Variants in PRELID2 observed in about 807,000 individuals in gnomAD.
PRELID2 encodes the protein PRELI domain-containing protein 2.
Under a neutral mutation model 28.4 loss-of-function variants are expected in PRELID2, and 25 were observed. The ratio of observed to expected loss-of-function variants is 0.88; its 90% confidence interval spans 0.64 to 1.23. The LOEUF is 1.23. Ranked by LOEUF, PRELID2 falls within the 50% of genes most tolerant of loss-of-function variation. The probability of loss-of-function intolerance (pLI) is 0.00; values close to 1 mark genes in which losing one functional copy is unlikely to be tolerated. For synonymous variants in PRELID2, 76 were observed against 71.6 expected (o/e 1.06, Z -0.31); for missense variants, 201 against 214.4 (o/e 0.94, Z 0.39).
intron 1 of PRELID2, among the ~76,000 whole-genome samples, chr5:145,572,217 T>C (rs1242179120): frequency 1.3e-5 from 2 of 152,156 alleles, no homozygotes; most frequent in Non-Finnish European, 2.9e-5. Context: ...CACTACTAGT[T>C]GTCCTGTCTT....
chr5:145,830,256 T>C (rs746177869), intron 1 of PRELID2, among the ~76,000 whole-genome samples: 1 of 152,196 alleles, frequency 6.6e-6, no homozygotes, highest in Non-Finnish European at 1.5e-5. Flanking sequence ...ATGACTCCTT[T>C]GACCACAGCA....
chr5:145,380,329 T>G, the PRELID2 span, among the ~76,000 whole-genome samples: 1 of 152,172 alleles, frequency 6.6e-6, no homozygotes, highest in Admixed American at 6.5e-5. Context: ...AGCTTTTGTG[T>G]CTTCCCTTTA....
the PRELID2 span, among the ~76,000 whole-genome samples, chr5:145,347,224 T>C: frequency 1.4e-4 from 22 of 152,170 alleles, no homozygotes; most frequent in Admixed American, 1.0e-3. Flanking sequence ...TAGATCTGTG[T>C]CTATGGCCAA....
At chr5:145,416,181 GC>G in the PRELID2 span, among the ~76,000 whole-genome samples, 234 of 152,066 alleles carry the variant, frequency 1.5e-3, 3 homozygotes, top group Non-Finnish European at 4.3e-4. Context: ...CTGGATATTA[GC>G]CCTTTGTCAG....
the PRELID2 span, among the ~76,000 whole-genome samples, chr5:145,334,662 G>A: frequency 2.6e-5 from 4 of 152,056 alleles, no homozygotes; most frequent in African/African-American, 9.7e-5. Flanking sequence ...CTTTTTGTAA[G>A]GAAGGTCTAG....
chr5:145,409,456 G>A, the PRELID2 span, among the ~76,000 whole-genome samples: 1 of 152,098 alleles, frequency 6.6e-6, no homozygotes, highest in African/African-American at 2.4e-5. Flanking sequence ...CACCAACCAA[G>A]TATCTGCTGT....
At chr5:145,340,237 T>G in the PRELID2 span, among the ~76,000 whole-genome samples, 1 of 152,188 alleles carries the variant, frequency 6.6e-6, no homozygotes, top group African/African-American at 2.4e-5. Context: ...GTCTGAGGTC[T>G]GGCTGACTCA....
chr5:145,246,254 A>T, the PRELID2 span, among the ~76,000 whole-genome samples: 2 of 152,116 alleles, frequency 1.3e-5, no homozygotes, highest in South Asian at 4.1e-4. Flanking sequence ...CTGACAGCCT[A>T]GACTGCAGAA....
At chr5:145,243,434 AAAAAG>A in the PRELID2 span, among the ~76,000 whole-genome samples, 1 of 152,130 alleles carries the variant, frequency 6.6e-6, no homozygotes, top group Non-Finnish European at 1.5e-5. Flanking sequence ...CATATTAAAA[AAAAAG>A]AAAAGGAAAA....
At chr5:145,829,836 A>C (rs954022375) in intron 1 of PRELID2, among the ~76,000 whole-genome samples, 7 of 152,226 alleles carry the variant, frequency 4.6e-5, no homozygotes, top group Admixed American at 4.6e-4. Context: ...TAGGATCAGA[A>C]ATGGAAACAT....
chr5:145,549,171 C>T (rs1752811950), intron 1 of PRELID2, among the ~76,000 whole-genome samples: 1 of 152,152 alleles, frequency 6.6e-6, no homozygotes, highest in African/African-American at 2.4e-5. Flanking sequence ...AAGCACTTGC[C>T]CTATGTTACT....
chr5:145,376,468 A>C, the PRELID2 span, among the ~76,000 whole-genome samples: 1 of 152,146 alleles, frequency 6.6e-6, no homozygotes, highest in Non-Finnish European at 1.5e-5. Context: ...CTTCAGCAAG[A>C]ATGGTACCAG....
intron 1 of PRELID2, among the ~76,000 whole-genome samples, chr5:145,532,510 A>G (rs539870451): frequency 1.3e-4 from 20 of 152,196 alleles, no homozygotes; most frequent in African/African-American, 4.6e-4. Flanking sequence ...GTGACTGTCA[A>G]GTATACAAAA....
intron 1 of PRELID2, among the ~76,000 whole-genome samples, chr5:145,717,816 A>G (rs1467621704): frequency 2.0e-5 from 3 of 151,920 alleles, no homozygotes; most frequent in Non-Finnish European, 2.9e-5. Flanking sequence ...TAAGATCAAT[A>G]CTATCAACAG....
intron 1 of PRELID2, among the ~76,000 whole-genome samples, chr5:145,484,606 A>G (rs763353423): frequency 6.6e-6 from 1 of 152,210 alleles, no homozygotes; most frequent in East Asian, 1.9e-4. Flanking sequence ...AAAACAGAGT[A>G]TAAGATCTTA....
intron 1 of PRELID2, among the ~76,000 whole-genome samples, chr5:145,605,560 G>T (rs1561517434): frequency 6.6e-6 from 1 of 152,218 alleles, no homozygotes; most frequent in Admixed American, 6.5e-5. Flanking sequence ...GTAGCATGCT[G>T]CTGCGGTTTC....
chr5:145,746,163 C>G (rs1247193305), intron 1 of PRELID2, among the ~76,000 whole-genome samples: 1 of 152,112 alleles, frequency 6.6e-6, no homozygotes, highest in Non-Finnish European at 1.5e-5. Flanking sequence ...TCATATATAA[C>G]AATACTAACC....
At chr5:145,239,214 G>A in the PRELID2 span, among the ~76,000 whole-genome samples, 1 of 152,022 alleles carries the variant, frequency 6.6e-6, no homozygotes, top group African/African-American at 2.4e-5. Context: ...TCCTCCTCTT[G>A]TCTAGCTATT....
intron 1 of PRELID2, among the ~76,000 whole-genome samples, chr5:145,706,182 A>G (rs2149706576): frequency 6.6e-6 from 1 of 152,170 alleles, no homozygotes; most frequent in South Asian, 2.1e-4. Flanking sequence ...GGAGTGCACA[A>G]CTCCACCAAG....
Sources: allele counts gnomAD v4.1 joint callset (sites outside exome capture counted in the v4.1 genomes callset), GRCh38; gene constraint gnomAD v4.1.1; transcripts MANE v1.5; gene names NCBI Gene and HGNC (gene_info 2026-07-23, HGNC 2026-07-21).